Variants in RTL4 observed in about 807,000 individuals in gnomAD.
The protein encoded by RTL4 is retrotransposon Gag like 4.
In RTL4, 4 loss-of-function variants were observed where a neutral mutation model predicts 5.3. The ratio of observed to expected loss-of-function variants is 0.75; its 90% CI spans 0.37 to 1.72. The LOEUF (loss-of-function observed/expected upper bound fraction) is 1.72. Ranked by LOEUF, RTL4 falls within the 40% of genes most tolerant of loss-of-function variation. RTL4 has a pLI of 0.04. For synonymous variants in RTL4, 98 were observed against 87.3 expected (o/e 1.12, Z -0.68); for missense variants, 260 against 227.1 (o/e 1.14, Z -0.93).
the RTL4 span, among the ~76,000 whole-genome samples, chrX:112,163,366 T>C: frequency 8.9e-6 from 1 of 111,895 alleles, no homozygotes; most frequent in African/African-American, 3.3e-5. Flanking sequence ...AATGCATTAT[T>C]GCTTGGCCTA....
the RTL4 span, among the ~76,000 whole-genome samples, chrX:112,396,405 T>G: frequency 8.9e-6 from 1 of 111,740 alleles, no homozygotes; most frequent in African/African-American, 3.3e-5. Context: ...AATCAGGTAC[T>G]GTGAGTGCTC....
At chrX:112,353,245 C>G in the RTL4 span, among the ~76,000 whole-genome samples, 1 of 111,581 alleles carries the variant, frequency 9.0e-6, no homozygotes, top group African/African-American at 3.3e-5. Flanking sequence ...GGATTGTAAA[C>G]TCGTTCAACC....
At chrX:112,235,670 C>G in the RTL4 span, among the ~76,000 whole-genome samples, 4 of 111,773 alleles carry the variant, frequency 3.6e-5, no homozygotes, top group South Asian at 3.7e-4. Context: ...TAAAAATGCT[C>G]CACCAATTCA....
At chrX:112,427,008 CATTAAAGAAAGAA>C in the RTL4 span, among the ~76,000 whole-genome samples, 1 of 111,192 alleles carries the variant, frequency 9.0e-6, no homozygotes, top group Non-Finnish European at 1.9e-5. Flanking sequence ...TTCTACAAAA[CATTAAAGAAAGAA>C]ATTATACCAA....
At chrX:112,187,371 G>A in the RTL4 span, among the ~76,000 whole-genome samples, 1 of 111,653 alleles carries the variant, frequency 9.0e-6, no homozygotes, top group African/African-American at 3.3e-5. Flanking sequence ...AGATCTAGGT[G>A]ACAGACAACA....
At chrX:112,123,172 G>C in the RTL4 span, among the ~76,000 whole-genome samples, 8 of 111,757 alleles carry the variant, frequency 7.2e-5, no homozygotes, top group African/African-American at 2.6e-4. Context: ...AACCAAATCA[G>C]AACTAAACTC....
chrX:112,284,683 T>A, the RTL4 span, among the ~76,000 whole-genome samples: 1 of 111,460 alleles, frequency 9.0e-6, no homozygotes, highest in African/African-American at 3.3e-5. Flanking sequence ...TCATCCATTT[T>A]TTCTTTAGGG....
chrX:112,389,592 T>C, the RTL4 span, among the ~76,000 whole-genome samples: 1 of 111,700 alleles, frequency 9.0e-6, no homozygotes, highest in African/African-American at 3.3e-5. Flanking sequence ...TTCTGGTATA[T>C]TGTATTTTTG....
chrX:112,354,902 A>G, the RTL4 span, among the ~76,000 whole-genome samples: 1 of 111,478 alleles, frequency 9.0e-6, no homozygotes, highest in Admixed American at 9.5e-5. Context: ...TAAAACAACA[A>G]TGACAACAGC....
the RTL4 span, among the ~76,000 whole-genome samples, chrX:112,231,583 A>AG: frequency 2.2e-5 from 1 of 45,059 alleles, no homozygotes; most frequent in Admixed American, 3.4e-4. Flanking sequence ...GGGTGGGGGG[A>AG]GGGGGGAGGG....
At chrX:112,161,836 C>CTTT in the RTL4 span, among the ~76,000 whole-genome samples, 2,762 of 34,588 alleles carry the variant, frequency 0.08, 192 homozygotes, top group East Asian at 0.17. Context: ...TTCCTTCCTT[C>CTTT]CTTCCTTCCT....
At chrX:112,364,054 A>T in the RTL4 span, among the ~76,000 whole-genome samples, 6 of 112,373 alleles carry the variant, frequency 5.3e-5, no homozygotes, top group Non-Finnish European at 9.4e-5. Flanking sequence ...CATGTATGTC[A>T]TAGGGAGTCA....
the RTL4 span, among the ~76,000 whole-genome samples, chrX:112,305,204 C>T: frequency 9.4e-6 from 1 of 106,328 alleles, no homozygotes; most frequent in Admixed American, 1.0e-4. Flanking sequence ...CAGAGTCTTG[C>T]TCTGTCGCAG....
the RTL4 span, among the ~76,000 whole-genome samples, chrX:112,299,142 C>T: frequency 3.6e-5 from 4 of 111,214 alleles, no homozygotes; most frequent in East Asian, 1.1e-3. Context: ...GACATTGTGG[C>T]GTACTGACGT....
At chrX:112,228,062 T>C in the RTL4 span, among the ~76,000 whole-genome samples, 1 of 111,787 alleles carries the variant, frequency 8.9e-6, no homozygotes, top group East Asian at 2.8e-4. Flanking sequence ...TGGACATGCT[T>C]GTAAGCACTT....
chrX:112,424,580 T>C, the RTL4 span, among the ~76,000 whole-genome samples: 2 of 111,074 alleles, frequency 1.8e-5, no homozygotes, highest in Admixed American at 1.9e-4. Flanking sequence ...GCATACTGGG[T>C]AGCAATTTAA....
the RTL4 span, among the ~76,000 whole-genome samples, chrX:112,370,773 C>T: frequency 9.0e-6 from 1 of 111,203 alleles, no homozygotes; most frequent in African/African-American, 3.3e-5. Flanking sequence ...AAGCATTCCT[C>T]TCTTTCTTTG....
At chrX:112,330,550 A>G in the RTL4 span, among the ~76,000 whole-genome samples, 1 of 111,105 alleles carries the variant, frequency 9.0e-6, no homozygotes, top group Non-Finnish European at 1.9e-5. Flanking sequence ...ATGGGTAGGA[A>G]GAATCAATAT....
the RTL4 span, among the ~76,000 whole-genome samples, chrX:112,098,088 T>A: frequency 9.1e-6 from 1 of 109,508 alleles, no homozygotes. Flanking sequence ...TAGGTATATC[T>A]CCTAATGCTA....
Sources: allele counts gnomAD v4.1 joint callset (sites outside exome capture counted in the v4.1 genomes callset), GRCh38; gene constraint gnomAD v4.1.1; transcripts MANE v1.5; gene names NCBI Gene and HGNC (gene_info 2026-07-23, HGNC 2026-07-21).